Variants in COL4A4 observed in about 807,000 individuals in gnomAD.
The protein encoded by COL4A4 is collagen alpha-4(IV) chain.
In COL4A4, 105 loss-of-function variants were observed where a neutral mutation model predicts 192.9. That is an observed-to-expected ratio of 0.54 (90% confidence interval 0.46 to 0.64). The LOEUF (loss-of-function observed/expected upper bound fraction) is 0.64. Among genes scored for constraint, COL4A4 ranks in the 30% least tolerant of loss-of-function variants. COL4A4 has a pLI of 0.00. For synonymous variants in COL4A4, 762 were observed against 769.9 expected, an observed-to-expected ratio of 0.99 and a Z score of 0.17; for missense variants, 1,967 against 2,169.3, an observed-to-expected ratio of 0.91 and a Z score of 1.85.
At chr2:227,148,004 A>G (rs925081224) in intron 1 of COL4A4, among the ~76,000 whole-genome samples, 2 of 152,134 alleles carry the variant, frequency 1.3e-5, no homozygotes, top group Admixed American at 6.5e-5. Context: ...GTATACAAAC[A>G]TACATTTTTG....
At chr2:227,139,381 G>A (rs1559721661) in intron 4 of COL4A4, among the ~76,000 whole-genome samples, 2 of 152,232 alleles carry the variant, frequency 1.3e-5, no homozygotes, top group African/African-American at 4.8e-5. Context: ...GATTGTGGGA[G>A]TAATTGTAAT....
the COL4A4 span, among the ~76,000 whole-genome samples, chr2:226,992,486 C>T: frequency 2.0e-5 from 3 of 152,274 alleles, no homozygotes; most frequent in South Asian, 6.2e-4. Context: ...GGCATGATTA[C>T]AAATCGGGCA....
intron 40 of COL4A4, among the ~76,000 whole-genome samples, chr2:227,031,040 C>CGG (rs879829495): frequency 0.071 from 2,340 of 32,928 alleles, 42 homozygotes; most frequent in African/African-American, 0.22. Flanking sequence ...GTTGGATGGA[C>CGG]AGATGGATGG....
chr2:227,095,401 TG>T (rs1300008136), intron 19 of COL4A4, among the ~76,000 whole-genome samples: 15 of 152,218 alleles, frequency 9.9e-5, no homozygotes, highest in African/African-American at 3.6e-4. Flanking sequence ...TTGAGCATTC[TG>T]TATATATACC....
intron 5 of COL4A4, chr2:227,120,786 A>G (rs908195813): frequency 7.8e-6 from 4 of 510,540 alleles, no homozygotes; most frequent in Admixed American, 3.2e-5. Context: ...AAAAAATACA[A>G]AAATTAGCTG....
intron 12 of COL4A4, among the ~76,000 whole-genome samples, chr2:227,107,448 T>C (rs1021126493): frequency 6.6e-6 from 1 of 152,234 alleles, no homozygotes; most frequent in Admixed American, 6.5e-5. Flanking sequence ...GTTTATATTT[T>C]TGTAACCTGT....
chr2:227,130,463 T>G (rs546180792), intron 4 of COL4A4, among the ~76,000 whole-genome samples: 24 of 152,192 alleles, frequency 1.6e-4, no homozygotes, highest in African/African-American at 5.5e-4. Flanking sequence ...CACTCAACTC[T>G]CCCTCCTTCT....
chr2:227,062,229 T>C (rs1214923676), intron 26 of COL4A4, among the ~76,000 whole-genome samples: 35 of 103,710 alleles, frequency 3.4e-4, no homozygotes, highest in Non-Finnish European at 5.0e-4. Flanking sequence ...AAAGTGAGAC[T>C]CCGTCTCAAA....
At chr2:227,041,369 G>A (rs550298112) in intron 37 of COL4A4, among the ~76,000 whole-genome samples, 2 of 152,066 alleles carry the variant, frequency 1.3e-5, no homozygotes, top group African/African-American at 4.8e-5. Context: ...TAAGATGGTA[G>A]CAACCGGGCG....
At chr2:227,041,860 A>AGAGAGAGAGAGAG (rs1559478521) in intron 37 of COL4A4, among the ~76,000 whole-genome samples, 8 of 92,284 alleles carry the variant, frequency 8.7e-5, no homozygotes, top group South Asian at 3.9e-4. Flanking sequence ...GAAAGAAAGA[A>AGAGAGAGAGAGAG]AGAAAGAAAG....
At chr2:226,995,098 TAAAA>T in the COL4A4 span, among the ~76,000 whole-genome samples, 1 of 139,320 alleles carries the variant, frequency 7.2e-6, no homozygotes, top group African/African-American at 2.6e-5. Context: ...TATATGGGCA[TAAAA>T]AAAAAAAGAC....
intron 40 of COL4A4, among the ~76,000 whole-genome samples, chr2:227,030,980 G>A (rs936657272): frequency 2.1e-4 from 26 of 121,772 alleles, no homozygotes; most frequent in African/African-American, 6.8e-4. Flanking sequence ...GTGGATAGAC[G>A]GTTGGATGGA....
chr2:227,070,246 T>A (rs1366644029), intron 25 of COL4A4, among the ~76,000 whole-genome samples: 2 of 151,266 alleles, frequency 1.3e-5, no homozygotes, highest in African/African-American at 4.8e-5. Flanking sequence ...TGTGGAGAAA[T>A]AGGAACACTT....
intron 8 of COL4A4, among the ~76,000 whole-genome samples, chr2:227,114,014 A>T (rs1024390978): frequency 6.6e-6 from 1 of 152,222 alleles, no homozygotes; most frequent in African/African-American, 2.4e-5. Flanking sequence ...TTATTTCTGA[A>T]CATTTGGACA....
chr2:227,048,212 G>C (rs968181766), intron 34 of COL4A4, among the ~76,000 whole-genome samples: 1 of 152,146 alleles, frequency 6.6e-6, no homozygotes, highest in Non-Finnish European at 1.5e-5. Flanking sequence ...GAATTACAGA[G>C]GTAAGTTAGA....
At chr2:227,027,292 ACTC>A (rs1267219485) in intron 42 of COL4A4, among the ~76,000 whole-genome samples, 4 of 150,170 alleles carry the variant, frequency 2.7e-5, no homozygotes, top group African/African-American at 7.3e-5. Flanking sequence ...TATAAAATGA[ACTC>A]CTTTTTTTTT....
At chr2:227,065,879 C>G (rs1296560401) in intron 25 of COL4A4, among the ~76,000 whole-genome samples, 5 of 152,228 alleles carry the variant, frequency 3.3e-5, no homozygotes, top group Admixed American at 3.3e-4. Context: ...GACGGAGAAT[C>G]ACTTTGACGA....
At position 227,094,218 on chromosome 2, in the gene COL4A4, C is replaced by G; in HGVS notation, c.1276G>C (p.Gly426Arg). ...PGLPGEAGIP[G>R]RPDSAPGKPG... ...TTTCCTGGAGCAGAATCAGGTCTCC[C>G]AGGAATACCAGCTTCTCCTGGAAGC... Residue 426 changes from glycine to arginine, a missense_variant, in exon 20 of 48, where the codon GGG becomes CGG. Physicochemically the swap from Gly to Arg is moderately radical, Grantham distance 125 (BLOSUM62 -2). Transcript: ENST00000396625. 1 of 1,613,770 alleles carries G rather than the reference C, an allele frequency of 6.2e-7. No individual in the cohort carries two copies. The highest frequency in any genetic ancestry group is 8.5e-7 in the Non-Finnish European group (1 of 1,179,900).
At chr2:227,000,970 A>G (rs1473416776), downstream of COL4A4, among the ~76,000 whole-genome samples, 2 of 152,192 alleles carry the variant, frequency 1.3e-5, no homozygotes, top group African/African-American at 4.8e-5. Context: ...CTCCCCAGGC[A>G]CGTGGAATTG....
Sources: gnomAD v4.1 joint callset for allele counts (sites outside exome capture counted in the v4.1 genomes callset) on GRCh38, gnomAD v4.1.1 for gene constraint, MANE v1.5 for transcripts, NCBI Gene and HGNC (gene_info 2026-07-23, HGNC 2026-07-21) for gene names.